SYT9: variants seen among roughly 807,000 people sequenced by gnomAD.
The protein encoded by SYT9 is synaptotagmin 9, also known as synaptotagmin-9.
In SYT9, 22 loss-of-function variants were observed where a neutral mutation model predicts 48.4. The observed-to-expected ratio is 0.45, with a 90% CI of 0.32 to 0.65. The LOEUF is 0.65. SYT9 is among the 30% of genes least tolerant of loss of function. SYT9 has a pLI of 0.03. For missense variants in SYT9, 577 were observed against 622.0 expected (o/e 0.93, Z 0.77); for synonymous variants, 265 against 245.0 (o/e 1.08, Z -0.76).
upstream of SYT9, among the ~76,000 whole-genome samples, chr11:7,250,460 C>T (rs1369640611): frequency 6.9e-6 from 1 of 144,190 alleles, no homozygotes; most frequent in South Asian, 2.2e-4. Context: ...CACCCCCCCC[C>T]AGCATCACAC....
Position 7,252,229 on chromosome 11 carries a change from C to T in SYT9, c.43C>T (p.Leu15=). The T allele has an allele frequency of 1.3e-6, 2 of 1,496,436 alleles. No individual in the cohort carries two copies. The highest frequency in any genetic ancestry group is 1.8e-6 in the Non-Finnish European group (2 of 1,123,466). 92.7% of individuals were successfully genotyped at this position (1,496,436 alleles called of 1,614,324 possible). A position where few individuals can be genotyped will look rare whatever the true frequency, so the allele number is the denominator to read the frequency against. The change falls in exon 1 of 7, where the codon CTG becomes TTG. Residue 15 remains leucine (L), a synonymous_variant. Coordinates refer to ENST00000318881, the MANE Select transcript of SYT9 (RefSeq NM_175733.4). The surrounding 1 kb of genome is among the most constrained non-coding windows in gnomAD (Gnocchi z 6.3). ...RDALCHQALQ[L]LAELCARGAL... is the part of the protein sequence containing the mutation. Reference sequence around the variant, plus strand: ...CGCGCTCTGTCACCAGGCGCTGCAGCTGCTGGCCGAGCTCTGTGCCCGTGG... The same window carrying T: ...CGCGCTCTGTCACCAGGCGCTGCAGTTGCTGGCCGAGCTCTGTGCCCGTGG...
chr11:7,449,971 C>G (rs942186296), intron 6 of SYT9, among the ~76,000 whole-genome samples: 1 of 152,132 alleles, frequency 6.6e-6, no homozygotes, highest in Non-Finnish European at 1.5e-5. Context: ...TGCCTTCTCC[C>G]CGATGCCAGT....
intron 3 of SYT9, among the ~76,000 whole-genome samples, chr11:7,392,272 T>C (rs1022720398): frequency 6.6e-6 from 1 of 152,184 alleles, no homozygotes; most frequent in Non-Finnish European, 1.5e-5. Flanking sequence ...TATTTTGAGT[T>C]AATTTTTGTA....
intron 3 of SYT9, among the ~76,000 whole-genome samples, chr11:7,369,089 A>C (rs961508656): frequency 3.3e-5 from 5 of 152,100 alleles, no homozygotes; most frequent in Non-Finnish European, 2.9e-5. Flanking sequence ...ACTAATTTAC[A>C]CTCCCATCAA....
At chr11:7,256,304 C>G (rs915219487) in intron 1 of SYT9, among the ~76,000 whole-genome samples, 2 of 152,234 alleles carry the variant, frequency 1.3e-5, no homozygotes, top group African/African-American at 2.4e-5. Context: ...GCAGCAGCAG[C>G]AGCTGCTGGG....
At chr11:7,369,934 G>T (rs1176574355) in intron 3 of SYT9, among the ~76,000 whole-genome samples, 3 of 151,882 alleles carry the variant, frequency 2.0e-5, no homozygotes, top group Non-Finnish European at 4.4e-5. Context: ...TTGGGGTACA[G>T]GTGATATCTG....
At chr11:7,331,064 C>A (rs554599344) in intron 3 of SYT9, among the ~76,000 whole-genome samples, 10 of 151,886 alleles carry the variant, frequency 6.6e-5, no homozygotes, top group African/African-American at 2.2e-4. Context: ...TCCCAAAGTA[C>A]TGGGATTACA....
intron 1 of SYT9, among the ~76,000 whole-genome samples, chr11:7,286,018 C>T (rs1589914611): frequency 6.6e-6 from 1 of 152,306 alleles, no homozygotes; most frequent in Non-Finnish European, 1.5e-5. Context: ...CTTTTCCAGG[C>T]ACATGGTGCA....
Position 7,313,431 on chromosome 11 carries a change from C to T in SYT9, c.534C>T (p.Asn178=). ...NSIRRQLNLS[N]PDFNIQQLQK... is the part of the protein sequence containing the mutation. Reference sequence around the variant, plus strand: ...TCCGAAGACAACTCAACTTGTCAAACCCGGACTTCAATATCCAGCAGCTTC... The same window carrying T: ...TCCGAAGACAACTCAACTTGTCAAATCCGGACTTCAATATCCAGCAGCTTC... Residue 178 remains asparagine (N), a synonymous_variant, in exon 3 of 7, where the codon AAC becomes AAT. Transcript: ENST00000318881. The T allele has an allele frequency of 6.2e-7, 1 of 1,613,324 alleles. No individual in the cohort carries two copies. The highest frequency in any genetic ancestry group is 2.2e-5 in the East Asian group (1 of 44,872).
intron 3 of SYT9, among the ~76,000 whole-genome samples, chr11:7,404,545 T>G (rs1846964587): frequency 6.6e-6 from 1 of 152,174 alleles, no homozygotes; most frequent in South Asian, 2.1e-4. Context: ...AGTGATATTA[T>G]GCCATTTATA....
intron 6 of SYT9, among the ~76,000 whole-genome samples, chr11:7,453,355 T>G (rs1046929764): frequency 6.6e-6 from 1 of 152,188 alleles, no homozygotes; most frequent in African/African-American, 2.4e-5. Context: ...CATTGGCTTA[T>G]CTATCATCAG....
chr11:7,264,941 T>C (rs1053527139), intron 1 of SYT9, among the ~76,000 whole-genome samples: 5 of 152,040 alleles, frequency 3.3e-5, no homozygotes, highest in African/African-American at 1.2e-4. Flanking sequence ...TGTGGTGTAG[T>C]GGTGTGTTCA....
At chr11:7,414,924 G>T (rs1032790357) in intron 3 of SYT9, among the ~76,000 whole-genome samples, 3 of 152,184 alleles carry the variant, frequency 2.0e-5, no homozygotes, top group African/African-American at 4.8e-5. Context: ...GTATTAATTA[G>T]ACACAGGCAC....
chr11:7,328,808 G>GT (rs1214351468), intron 3 of SYT9, among the ~76,000 whole-genome samples: 2 of 151,808 alleles, frequency 1.3e-5, no homozygotes, highest in Non-Finnish European at 2.9e-5. Context: ...GTTTTTACTT[G>GT]TTTGGAAATG....
chr11:7,428,496 T>C (rs1486681809), intron 6 of SYT9, among the ~76,000 whole-genome samples: 1 of 152,070 alleles, frequency 6.6e-6, no homozygotes, highest in Non-Finnish European at 1.5e-5. Context: ...CTCCTGATAG[T>C]GTGGTGGGAG....
At chr11:7,311,545 A>T (rs930147533) in intron 2 of SYT9, among the ~76,000 whole-genome samples, 3 of 152,220 alleles carry the variant, frequency 2.0e-5, no homozygotes, top group African/African-American at 7.2e-5. Context: ...TTGTTGGTCC[A>T]CCACAGACTC....
intron 1 of SYT9, among the ~76,000 whole-genome samples, chr11:7,271,777 C>T (rs767062861): frequency 6.6e-6 from 1 of 152,068 alleles, no homozygotes; most frequent in African/African-American, 2.4e-5. Flanking sequence ...GGGGTTTCGC[C>T]GTGTTAGCCA....
intron 1 of SYT9, among the ~76,000 whole-genome samples, chr11:7,241,124 A>G (rs763763568): frequency 9.2e-5 from 14 of 152,264 alleles, no homozygotes; most frequent in Admixed American, 2.6e-4. Flanking sequence ...ATTGCAACAG[A>G]TAGAGTCCAT....
intron 1 of SYT9, among the ~76,000 whole-genome samples, chr11:7,245,306 G>A (rs763652438): frequency 2.4e-4 from 37 of 152,044 alleles, no homozygotes; most frequent in African/African-American, 8.5e-4. Flanking sequence ...AGTGCATGAT[G>A]GTATATAACA....
Sources: allele counts gnomAD v4.1 joint callset (sites outside exome capture counted in the v4.1 genomes callset), GRCh38; gene constraint gnomAD v4.1.1; non-coding constraint Gnocchi (gnomAD v3.1); transcripts MANE v1.5; gene names NCBI Gene and HGNC (gene_info 2026-07-23, HGNC 2026-07-21).